The following GALNTL6 variants were observed in gnomAD, a reference collection of about 807,000 sequenced individuals.
GALNTL6 encodes the protein polypeptide N-acetylgalactosaminyltransferase like 6.
A neutral mutation model predicts 73.7 loss-of-function variants in GALNTL6; 46 were observed. The ratio of observed to expected loss-of-function variants is 0.62; its 90% CI spans 0.49 to 0.80. GALNTL6 has a LOEUF of 0.80. Ranked by LOEUF, GALNTL6 falls within the 30% of genes least tolerant of loss-of-function variation. The pLI, the probability that GALNTL6 is intolerant of heterozygous loss-of-function variation, is 0.00. For synonymous variants in GALNTL6, 259 were observed against 263.7 expected (o/e 0.98, Z 0.17); for missense variants, 604 against 755.0 (o/e 0.80, Z 2.34).
chr4:172,055,398 T>A (rs1730992665), intron 2 of GALNTL6, among the ~76,000 whole-genome samples: 1 of 152,176 alleles, frequency 6.6e-6, no homozygotes, highest in Admixed American at 6.6e-5. Flanking sequence ...TTTCTTGAAG[T>A]AAATGGAGCT....
chr4:172,390,209 C>G (rs1743612058), intron 5 of GALNTL6, among the ~76,000 whole-genome samples: 1 of 151,996 alleles, frequency 6.6e-6, no homozygotes, highest in South Asian at 2.1e-4. Context: ...ACTTATTTTT[C>G]AAACGTTGTA....
intron 5 of GALNTL6, among the ~76,000 whole-genome samples, chr4:172,426,916 TTATA>T (rs35184907): frequency 0.82 from 122,425 of 149,414 alleles, 50,442 homozygotes; most frequent in Non-Finnish European, 0.87. Context: ...GTAAGGACTC[TTATA>T]TATATATATA....
At chr4:172,519,353 A>G (rs1226256572) in intron 5 of GALNTL6, among the ~76,000 whole-genome samples, 1 of 151,344 alleles carries the variant, frequency 6.6e-6, no homozygotes, top group East Asian at 1.9e-4. Context: ...AACAGGGCTC[A>G]AAACAAAGTC....
Position 173,021,490 on chromosome 4 carries a change from A to T in GALNTL6, c.1503A>T (p.Gly501=). The T allele has an allele frequency of 1.9e-6, 3 of 1,613,960 alleles. No homozygotes were observed. Among genetic ancestry groups the T allele is most frequent in the Non-Finnish European group, 2.5e-6 (3 of 1,179,966 alleles). The part of the protein sequence containing the change: ...TWSHEQLFTF[G]WREDIRPGEP... ...TGCTTTGCTAGCTTTTTACCTTTGGATGGAGAGAAGATATTCGACCCGGTG... is the reference window on the plus strand; with the variant it reads ...TGCTTTGCTAGCTTTTTACCTTTGGTTGGAGAGAAGATATTCGACCCGGTG... The change falls in exon 12 of 13, where the codon GGA becomes GGT. Residue 501 remains glycine, a synonymous_variant. Transcript: ENST00000506823.
At chr4:172,041,171 T>C (rs1742077902) in intron 2 of GALNTL6, among the ~76,000 whole-genome samples, 1 of 152,082 alleles carries the variant, frequency 6.6e-6, no homozygotes, top group African/African-American at 2.4e-5. Flanking sequence ...ACATTTTCTA[T>C]TTGGTTTATT....
chr4:172,792,067 C>T (rs1047161185), intron 5 of GALNTL6, among the ~76,000 whole-genome samples: 2 of 152,250 alleles, frequency 1.3e-5, no homozygotes, highest in Non-Finnish European at 2.9e-5. Flanking sequence ...GGCAACTCAC[C>T]CAGGATAACT....
chr4:172,187,569 T>C (rs536310954), intron 2 of GALNTL6, among the ~76,000 whole-genome samples: 1 of 152,254 alleles, frequency 6.6e-6, no homozygotes, highest in South Asian at 2.1e-4. Flanking sequence ...ATCAAAAGTT[T>C]GCAGTGTTTG....
At chr4:172,601,091 A>T (rs376832510) in intron 5 of GALNTL6, among the ~76,000 whole-genome samples, 3 of 152,188 alleles carry the variant, frequency 2.0e-5, no homozygotes, top group East Asian at 3.8e-4. Context: ...TATGAATATA[A>T]TGAGGAGAGA....
intron 9 of GALNTL6, among the ~76,000 whole-genome samples, chr4:172,944,107 A>G (rs567175739): frequency 3.0e-3 from 450 of 152,330 alleles, no homozygotes; most frequent in Admixed American, 7.3e-3. Context: ...GTATGACACC[A>G]TAGAAAAAAA....
intron 2 of GALNTL6, among the ~76,000 whole-genome samples, chr4:172,128,654 A>C (rs1392311579): frequency 6.6e-6 from 1 of 152,186 alleles, no homozygotes; most frequent in African/African-American, 2.4e-5. Flanking sequence ...AATGAGTTTC[A>C]GTGTTAAATT....
chr4:172,913,905 C>G (rs1005679713), intron 8 of GALNTL6, among the ~76,000 whole-genome samples: 4 of 152,126 alleles, frequency 2.6e-5, no homozygotes, highest in Admixed American at 2.6e-4. Context: ...CACAAAGATA[C>G]TCCTCAAGAA....
At chr4:172,389,022 C>T (rs1421510916) in intron 5 of GALNTL6, among the ~76,000 whole-genome samples, 1 of 151,892 alleles carries the variant, frequency 6.6e-6, no homozygotes, top group African/African-American at 2.4e-5. Flanking sequence ...TTTTTAAAAT[C>T]ATCCTCCGAA....
In GALNTL6 at chr4:172,171,455, T is replaced by C. The variant is rs562274778; in HGVS notation, c.139-58201T>C. ...GTACATACAGGTTATTCAGTTCCTC[T>C]TAATGACTTGAAGAACATAACAGTT... On this transcript the variant is annotated intron_variant, in intron 2 of 12. Transcript: ENST00000506823. Among the ~76,000 whole-genome samples the C allele has an allele frequency of 3.9e-5, 6 of 152,298 alleles. No homozygotes were observed. The East Asian group carries it at 1.2e-3, about 29-fold the overall frequency.
At chr4:172,978,085 G>A (rs1003145227) in intron 10 of GALNTL6, among the ~76,000 whole-genome samples, 18 of 152,128 alleles carry the variant, frequency 1.2e-4, no homozygotes, top group South Asian at 2.1e-4. Flanking sequence ...CAGGTGTTCC[G>A]TCCGCCTTGG....
intron 2 of GALNTL6, among the ~76,000 whole-genome samples, chr4:172,178,466 G>T (rs984038910): frequency 4.6e-5 from 7 of 151,892 alleles, no homozygotes; most frequent in Non-Finnish European, 8.8e-5. Flanking sequence ...TCCCCTCCCT[G>T]TGTGCATGTG....
At chr4:172,488,845 TG>T (rs1466613728) in intron 5 of GALNTL6, among the ~76,000 whole-genome samples, 5 of 90,640 alleles carry the variant, frequency 5.5e-5, no homozygotes, top group Non-Finnish European at 1.1e-4. Context: ...GGGGTGGGGG[TG>T]GGGGGTGGGT....
At chr4:172,731,080 CA>C (rs71592094) in intron 5 of GALNTL6, among the ~76,000 whole-genome samples, 47,083 of 112,960 alleles carry the variant, frequency 0.42, 8,049 homozygotes, top group African/African-American at 0.54. Context: ...ACTCCATCTC[CA>C]AAAAAAAAAA....
At chr4:172,741,410 T>C (rs1736795736) in intron 5 of GALNTL6, among the ~76,000 whole-genome samples, 1 of 152,104 alleles carries the variant, frequency 6.6e-6, no homozygotes, top group Non-Finnish European at 1.5e-5. Flanking sequence ...CCTTCCAGTC[T>C]TCCTCTCATA....
chr4:172,291,114 C>T (rs1193321548), intron 3 of GALNTL6, among the ~76,000 whole-genome samples: 7 of 151,990 alleles, frequency 4.6e-5, no homozygotes, highest in African/African-American at 1.7e-4. Context: ...CCTGTGACAG[C>T]GTGAAAACCA....
Sources: allele counts gnomAD v4.1 joint callset (sites outside exome capture counted in the v4.1 genomes callset), GRCh38; gene constraint gnomAD v4.1.1; transcripts MANE v1.5; gene names NCBI Gene and HGNC (gene_info 2026-07-23, HGNC 2026-07-21).